ARSG: variants seen among roughly 807,000 people sequenced by gnomAD.
The protein encoded by ARSG is arylsulfatase G.
ARSG carries 37 observed loss-of-function variants against 50.5 expected under a neutral mutation model. The observed-to-expected ratio is 0.73, with a 90% CI of 0.56 to 0.96. The LOEUF (loss-of-function observed/expected upper bound fraction) is 0.96. Ranked by LOEUF, ARSG falls within the 50% of genes least tolerant of loss-of-function variation. The probability of loss-of-function intolerance (pLI) is 0.00; values close to 1 mark genes in which losing one functional copy is unlikely to be tolerated. For synonymous variants in ARSG, 225 were observed against 254.6 expected (o/e 0.88, Z 1.11); for missense variants, 629 against 675.3 (o/e 0.93, Z 0.76).
At chr17:68,414,907 T>G (rs1474674717) in intron 11 of ARSG, among the ~76,000 whole-genome samples, 1 of 152,200 alleles carries the variant, frequency 6.6e-6, no homozygotes, top group African/African-American at 2.4e-5. Context: ...TTGAGTTTAT[T>G]TGGATTTTCT....
Position 68,315,220 on chromosome 17 carries a change from G to A in ARSG, c.218+7509G>A, listed in dbSNP as rs984454761. On this transcript the variant is annotated intron_variant, in intron 2 of 11. Coordinates refer to ENST00000621439, the MANE Select transcript of ARSG (RefSeq NM_001267727.2). ...GGAATCAGCAAAGAGAATCCATCAA[G>A]ATTTGGCCAGCTTTCCCATATGGCT... 7.2e-5 allele frequency among the ~76,000 whole-genome samples: 11 copies of A among 152,152 alleles called. No homozygotes were observed. The South Asian group carries it at 1.7e-3, about 23-fold the overall frequency.
At chr17:68,421,602 G>A (rs1035969011), downstream of ARSG, 51 of 832,682 alleles carry the variant, frequency 6.1e-5, no homozygotes, top group Middle Eastern at 3.2e-4. Flanking sequence ...AACCAGGGTC[G>A]TGGGAAGCTT....
At chr17:68,450,428 A>G in the ARSG span, among the ~76,000 whole-genome samples, 9 of 152,312 alleles carry the variant, frequency 5.9e-5, no homozygotes, top group South Asian at 1.7e-3. Flanking sequence ...GGGACTGTCC[A>G]AGCCAGAGCT....
Position 68,362,837 on chromosome 17 carries a change from T to A in ARSG, c.705-5711T>A, listed in dbSNP as rs185291016. Among the ~76,000 whole-genome samples the A allele has an allele frequency of 2.0e-3, 301 of 152,298 alleles. 2 individuals are homozygous for A. The highest frequency in any genetic ancestry group is 6.9e-3 in the African/African-American group (288 of 41,564). On this transcript the variant is annotated intron_variant, in intron 6 of 11. Coordinates refer to ENST00000621439, the MANE Select transcript of ARSG (RefSeq NM_001267727.2). ...TATATTTTAGTTGCCTTTTTCTCTT[T>A]CCTGGTCTCAATTAGATGTTAAACT...
chr17:68,312,599 G>A (rs1052422578), intron 2 of ARSG, among the ~76,000 whole-genome samples: 1 of 152,044 alleles, frequency 6.6e-6, no homozygotes, highest in Non-Finnish European at 1.5e-5. Context: ...AATGTGGTTC[G>A]TTGGGCTCTC....
upstream of ARSG, chr17:68,291,382 T>G (rs1249928537): frequency 7.0e-6 from 1 of 142,860 alleles, no homozygotes; most frequent in African/African-American, 2.6e-5. Flanking sequence ...TGCCTAGCTC[T>G]TATCCTATAC....
At chr17:68,334,631 C>T (rs1345665805) in intron 2 of ARSG, among the ~76,000 whole-genome samples, 4 of 152,154 alleles carry the variant, frequency 2.6e-5, no homozygotes, top group East Asian at 1.9e-4. Context: ...AAGGTCGCCT[C>T]GTGGAGTGTA....
intron 1 of ARSG, chr17:68,274,294 C>A: frequency 2.6e-6 from 1 of 390,652 alleles, no homozygotes; most frequent in South Asian, 4.5e-5. Flanking sequence ...GGTGAAACCC[C>A]GTCTCTACAA....
intron 1 of ARSG, among the ~76,000 whole-genome samples, chr17:68,283,433 A>G: frequency 6.6e-6 from 1 of 151,560 alleles, no homozygotes. Context: ...AGGCAGGAGA[A>G]TGGCGTGAAC....
intron 1 of ARSG, chr17:68,272,522 G>A (rs1216983255): frequency 1.4e-5 from 16 of 1,182,280 alleles, no homozygotes; most frequent in East Asian, 4.9e-5. Context: ...CGTAAATAAC[G>A]TCTCATTACA....
chr17:68,354,407 T>C (rs1322802204), intron 5 of ARSG, among the ~76,000 whole-genome samples: 2 of 144,072 alleles, frequency 1.4e-5, no homozygotes, highest in South Asian at 2.2e-4. Context: ...AGCCAGATCC[T>C]GTCTCAAAAA....
intron 1 of ARSG, among the ~76,000 whole-genome samples, chr17:68,297,011 T>A (rs2076232477): frequency 6.6e-6 from 1 of 152,330 alleles, no homozygotes; most frequent in Non-Finnish European, 1.5e-5. Flanking sequence ...CAGCAAATAT[T>A]GACTGAATAC....
chr17:68,303,316 A>G (rs1421086586), intron 1 of ARSG, among the ~76,000 whole-genome samples: 2 of 152,068 alleles, frequency 1.3e-5, no homozygotes, highest in East Asian at 1.9e-4. Context: ...TGTAGAGATC[A>G]GGTCTCGCCA....
chr17:68,309,457 C>T (rs554913266), intron 2 of ARSG, among the ~76,000 whole-genome samples: 19 of 152,346 alleles, frequency 1.2e-4, no homozygotes, highest in East Asian at 5.8e-4. Flanking sequence ...ACTGCCAGCA[C>T]GCTGTCACCT....
At chr17:68,311,254 A>T (rs1304818532) in intron 2 of ARSG, among the ~76,000 whole-genome samples, 4 of 152,114 alleles carry the variant, frequency 2.6e-5, no homozygotes, top group Non-Finnish European at 5.9e-5. Flanking sequence ...CATCTGTGTG[A>T]TGGGTTCATC....
the ARSG span, among the ~76,000 whole-genome samples, chr17:68,450,399 T>C: frequency 6.6e-6 from 1 of 152,182 alleles, no homozygotes; most frequent in South Asian, 2.1e-4. Context: ...TGATTTAAGG[T>C]GCTCTTGCGG....
At chr17:68,356,080 C>T (rs1428581185) in intron 5 of ARSG, among the ~76,000 whole-genome samples, 2 of 152,158 alleles carry the variant, frequency 1.3e-5, no homozygotes, top group Admixed American at 1.3e-4. Context: ...CAGGGTTTCA[C>T]CCTGCTGGCC....
chr17:68,334,544 C>A (rs1277157722), intron 2 of ARSG, among the ~76,000 whole-genome samples: 4 of 152,138 alleles, frequency 2.6e-5, no homozygotes, highest in African/African-American at 9.7e-5. Context: ...CAACCATTTT[C>A]TTAGAGCCCA....
At chr17:68,317,602 C>T (rs973823294) in intron 2 of ARSG, among the ~76,000 whole-genome samples, 1 of 152,062 alleles carries the variant, frequency 6.6e-6, no homozygotes, top group Non-Finnish European at 1.5e-5. Flanking sequence ...CAAGTCCCCT[C>T]GCACATGTCA....
Sources: allele counts gnomAD v4.1 joint callset (sites outside exome capture counted in the v4.1 genomes callset), GRCh38; gene constraint gnomAD v4.1.1; transcripts MANE v1.5; gene names NCBI Gene and HGNC (gene_info 2026-07-23, HGNC 2026-07-21).